Variants in ZNF713 observed in about 807,000 individuals in gnomAD.
ZNF713 encodes zinc finger protein 713.
A neutral mutation model predicts 28.7 loss-of-function variants in ZNF713; 21 were observed. The observed-to-expected ratio is 0.73, with a 90% CI of 0.52 to 1.05. The LOEUF is 1.05. Among genes scored for constraint, ZNF713 ranks in the 50% least tolerant of loss-of-function variants. The pLI, the probability that ZNF713 is intolerant of heterozygous loss-of-function variation, is 0.00. For synonymous variants in ZNF713, 167 were observed against 178.0 expected (o/e 0.94, Z 0.49); for missense variants, 458 against 532.4 (o/e 0.86, Z 1.37).
chr7:55,940,148 A>G lies in ZNF713; in HGVS notation c.*142A>G. 4 of 1,345,950 alleles carry G rather than the reference A, an allele frequency of 3.0e-6. No homozygotes were observed. Among genetic ancestry groups the G allele is most frequent in the Non-Finnish European group, 3.9e-6 (4 of 1,028,232 alleles). 83.4% of individuals were successfully genotyped at this position (1,345,950 alleles called of 1,614,324 possible). On this transcript the variant is annotated 3_prime_UTR_variant, in exon 7 of 7. Coordinates refer to ENST00000429591, the MANE Select transcript of ZNF713 (RefSeq NM_182633.3). ...TTGTTTTGTTTTGTTTTTGAGACTGAGTCTCACTCTGTCACCCAGGCTGAA... is the reference window on the plus strand; with the variant it reads ...TTGTTTTGTTTTGTTTTTGAGACTGGGTCTCACTCTGTCACCCAGGCTGAA...
Position 55,939,923 on chromosome 7 carries a change from AG to A in ZNF713, c.1251del (p.Ile419SerfsTer63). ...FSQSAHLNQH[R>X]KIHTREKLCE... Reference sequence around the variant, plus strand: ...CCAGAGTGCACACCTTAATCAACACAGGAAAATCCATACTCGGGAGAAATTA... The same window carrying A: ...CCAGAGTGCACACCTTAATCAACACAGAAAATCCATACTCGGGAGAAATTA... On this transcript the variant is annotated frameshift_variant, in exon 7 of 7. Coordinates refer to ENST00000429591, the MANE Select transcript of ZNF713 (RefSeq NM_182633.3). LOFTEE classifies it low-confidence loss of function (END_TRUNC). 2 of 1,613,784 alleles carry A rather than the reference AG, an allele frequency of 1.2e-6. No homozygotes were observed. The highest frequency in any genetic ancestry group is 8.5e-7 in the Non-Finnish European group (1 of 1,179,812).
Position 55,887,569 on chromosome 7 carries a change from G to T in ZNF713, c.-694G>T, listed in dbSNP as rs1177701917. On this transcript the variant is annotated 5_prime_UTR_variant, in exon 1 of 7. Coordinates refer to ENST00000429591, the MANE Select transcript of ZNF713 (RefSeq NM_182633.3). ...GGGCGTCATTGGCTCAGGCTGCGGG[G>T]CCCTCGGCACCTTCTCCCTCCCGGG... is the stretch of plus-strand genomic sequence containing the variant. 5.4e-6 allele frequency: 1 copy of T among 184,850 alleles called. No individual in the cohort carries two copies. 11.5% of individuals were successfully genotyped at this position (184,850 alleles called of 1,614,324 possible).
intron 1 of ZNF713, among the ~76,000 whole-genome samples, chr7:55,899,273 A>G (rs1238866326): frequency 6.7e-6 from 1 of 149,988 alleles, no homozygotes; most frequent in Non-Finnish European, 1.5e-5. Flanking sequence ...GAATGGCGTG[A>G]ACCCGGGAGG....
intron 3 of ZNF713, 76 bp from the exon 4 acceptor site, chr7:55,912,559 T>G: frequency 9.2e-7 from 1 of 1,087,920 alleles, no homozygotes; most frequent in Non-Finnish European, 1.4e-6. Context: ...CTGCCATACC[T>G]ACACAAAGCA....
intron 1 of ZNF713, among the ~76,000 whole-genome samples, chr7:55,903,931 C>T (rs532532076): frequency 6.6e-6 from 1 of 152,050 alleles, no homozygotes; most frequent in African/African-American, 2.4e-5. Flanking sequence ...CTAAGAGTGG[C>T]AGGATGCCCT....
intron 4 of ZNF713, chr7:55,918,106 T>C: frequency 2.2e-6 from 1 of 456,684 alleles, no homozygotes; most frequent in South Asian, 1.5e-5. Context: ...TGCAAAGCTT[T>C]GTGACTTTCA....
At chr7:55,929,458 T>C (rs559746750) in intron 6 of ZNF713, among the ~76,000 whole-genome samples, 1 of 152,270 alleles carries the variant, frequency 6.6e-6, no homozygotes, top group South Asian at 2.1e-4. Context: ...AGACAACTGG[T>C]GCTTTTGAAA....
chr7:55,919,636 G>A (rs1408122994), intron 4 of ZNF713, among the ~76,000 whole-genome samples: 1 of 151,420 alleles, frequency 6.6e-6, no homozygotes, highest in Non-Finnish European at 1.5e-5. Flanking sequence ...CTCCCGAGTA[G>A]CTGGGACTAC....
intron 1 of ZNF713, among the ~76,000 whole-genome samples, chr7:55,888,306 A>G (rs1785316997): frequency 6.6e-6 from 1 of 152,188 alleles, no homozygotes; most frequent in African/African-American, 2.4e-5. Flanking sequence ...TTATCCGTTG[A>G]GTCACTTTTC....
chr7:55,915,816 C>A (rs1051500079), intron 4 of ZNF713, among the ~76,000 whole-genome samples: 2 of 152,118 alleles, frequency 1.3e-5, no homozygotes, highest in African/African-American at 4.8e-5. Context: ...ACTCTGAGTG[C>A]AGTGGAAAGC....
intron 2 of ZNF713, among the ~76,000 whole-genome samples, chr7:55,909,231 C>T (rs916715514): frequency 7.3e-5 from 11 of 151,438 alleles, no homozygotes; most frequent in African/African-American, 1.7e-4. Context: ...GATAGGAGTC[C>T]GGTATCATTC....
At chr7:55,924,235 A>G (rs1457676323) in intron 6 of ZNF713, 1 of 152,376 alleles carries the variant, frequency 6.6e-6, no homozygotes, top group African/African-American at 2.4e-5. Flanking sequence ...TATGTCCCCA[A>G]TTCCTACCTC....
At chr7:55,898,992 G>A (rs189557531) in intron 1 of ZNF713, among the ~76,000 whole-genome samples, 4 of 152,118 alleles carry the variant, frequency 2.6e-5, no homozygotes, top group African/African-American at 4.8e-5. Flanking sequence ...AAAAGGGAAC[G>A]CTTATGCACT....
chr7:55,903,891 G>A (rs149506307), intron 1 of ZNF713, among the ~76,000 whole-genome samples: 6 of 152,204 alleles, frequency 3.9e-5, no homozygotes, highest in Admixed American at 6.5e-5. Flanking sequence ...GCAGTCAGTC[G>A]TAGGATTCTT....
intron 6 of ZNF713, among the ~76,000 whole-genome samples, chr7:55,935,212 A>G (rs535735440): frequency 1.3e-5 from 2 of 152,120 alleles, no homozygotes; most frequent in African/African-American, 4.8e-5. Context: ...TGTCTGTCAT[A>G]TTGAAATACT....
chr7:55,905,355 T>G (rs1785660014), intron 1 of ZNF713, among the ~76,000 whole-genome samples: 1 of 152,132 alleles, frequency 6.6e-6, no homozygotes, highest in East Asian at 1.9e-4. Flanking sequence ...TCTGTGTATT[T>G]TAAAATCACT....
chr7:55,899,081 C>T (rs1316252575), intron 1 of ZNF713, among the ~76,000 whole-genome samples: 3 of 152,198 alleles, frequency 2.0e-5, no homozygotes, highest in South Asian at 2.1e-4. Flanking sequence ...CGGCCAGGCA[C>T]GGTGGTTCAT....
At chr7:55,922,521 G>T (rs1161642471) in intron 4 of ZNF713, among the ~76,000 whole-genome samples, 1 of 149,276 alleles carries the variant, frequency 6.7e-6, no homozygotes, top group Non-Finnish European at 1.5e-5. Flanking sequence ...CTGGGCAACA[G>T]AGTGAGACTC....
intron 6 of ZNF713, among the ~76,000 whole-genome samples, chr7:55,931,765 C>T (rs925480764): frequency 6.6e-6 from 1 of 152,196 alleles, no homozygotes; most frequent in Non-Finnish European, 1.5e-5. Context: ...TGCCCTGGTG[C>T]GGAGGCCCTG....
Sources: gnomAD v4.1 joint callset for allele counts (sites outside exome capture counted in the v4.1 genomes callset) on GRCh38, gnomAD v4.1.1 for gene constraint, MANE v1.5 for transcripts, NCBI Gene and HGNC (gene_info 2026-07-23, HGNC 2026-07-21) for gene names.